KIAA1210: variants seen among roughly 807,000 people sequenced by gnomAD.
KIAA1210 encodes KIAA1210.
In KIAA1210, 48 loss-of-function variants were observed where a neutral mutation model predicts 78.9. The observed-to-expected ratio is 0.61, with a 90% CI of 0.48 to 0.77. KIAA1210 has a LOEUF of 0.77. Ranked by LOEUF, KIAA1210 falls within the 30% of genes least tolerant of loss-of-function variation. The pLI is 0.00. For synonymous variants in KIAA1210, 406 were observed against 404.5 expected, an observed-to-expected ratio of 1.00 and a Z score of -0.04; for missense variants, 1,108 against 1,100.0, an observed-to-expected ratio of 1.01 and a Z score of -0.10.
chrX:119,105,312 C>T (rs1024327607), intron 5 of KIAA1210, among the ~76,000 whole-genome samples, 165 bp from the exon 6 acceptor site: 1 of 111,734 alleles, frequency 8.9e-6, no homozygotes, highest in Non-Finnish European at 1.9e-5. Flanking sequence ...CCTACCTCCC[C>T]GTCTTCATTC....
chrX:119,109,678 A>T (rs1483967536), intron 3 of KIAA1210, among the ~76,000 whole-genome samples: 2 of 111,922 alleles, frequency 1.8e-5, no homozygotes, highest in African/African-American at 6.5e-5. Context: ...GAGTTTTGTT[A>T]TTATTACAGT....
intron 2 of KIAA1210, among the ~76,000 whole-genome samples, chrX:119,146,729 C>G (rs1468447140): frequency 9.0e-6 from 1 of 111,137 alleles, no homozygotes; most frequent in African/African-American, 3.3e-5. Context: ...TCCCTCTGAC[C>G]CCTACACTGG....
intron 1 of KIAA1210, among the ~76,000 whole-genome samples, chrX:119,127,493 GC>G (rs1413025228): frequency 9.0e-6 from 1 of 110,930 alleles, no homozygotes; most frequent in African/African-American, 3.3e-5. Flanking sequence ...TAGCATACTT[GC>G]CTTATTTCCC....
At chrX:119,123,914 T>TTTTTGTTTTG (rs376112294) in intron 1 of KIAA1210, among the ~76,000 whole-genome samples, 1 of 111,640 alleles carries the variant, frequency 9.0e-6, no homozygotes, top group African/African-American at 3.3e-5. Context: ...GGGAGGATGT[T>TTTTTGTTTTG]TTTTGTTTTG....
chrX:119,121,998 G>A (rs1175275670), intron 2 of KIAA1210, among the ~76,000 whole-genome samples: 1 of 108,877 alleles, frequency 9.2e-6, no homozygotes, highest in African/African-American at 3.3e-5. Flanking sequence ...TCCTGACCTC[G>A]TGATCTGCCC....
intron 5 of KIAA1210, among the ~76,000 whole-genome samples, chrX:119,105,767 A>G (rs994930798): frequency 8.9e-6 from 1 of 111,896 alleles, no homozygotes; most frequent in Non-Finnish European, 1.9e-5. Context: ...AAAATTTATC[A>G]TTTGGGCTTT....
intron 8 of KIAA1210, among the ~76,000 whole-genome samples, chrX:119,092,064 A>C (rs924982991): frequency 8.9e-6 from 1 of 111,944 alleles, no homozygotes; most frequent in Non-Finnish European, 1.9e-5. Flanking sequence ...TGTAACCAAA[A>C]ACCACTTGTA....
intron 2 of KIAA1210, among the ~76,000 whole-genome samples, chrX:119,147,320 T>C (rs954097951): frequency 1.8e-5 from 2 of 111,635 alleles, no homozygotes; most frequent in African/African-American, 6.5e-5. Flanking sequence ...TACAAGTCAA[T>C]ATTTGTGGCT....
intron 8 of KIAA1210, among the ~76,000 whole-genome samples, chrX:119,090,263 T>A (rs1927327642): frequency 9.1e-6 from 1 of 109,525 alleles, no homozygotes; most frequent in Non-Finnish European, 1.9e-5. Context: ...TAATTATGGT[T>A]CTATTTTACA....
At chrX:119,112,702 T>C (rs375056163) in intron 3 of KIAA1210, among the ~76,000 whole-genome samples, 42 of 111,658 alleles carry the variant, frequency 3.8e-4, no homozygotes, top group African/African-American at 1.3e-3. Context: ...TGTGGAGAAA[T>C]TGGAACACCC....
upstream of KIAA1210, chrX:119,150,641 T>C: frequency 9.1e-7 from 1 of 1,098,217 alleles, no homozygotes; most frequent in Non-Finnish European, 1.2e-6. Context: ...AGAAGCTGGG[T>C]TGAGGACTCT....
At position 119,080,885 on chromosome X, in the gene KIAA1210, T is replaced by C. The variant is rs1344362784; in HGVS notation, c.*444A>G. On this transcript the variant is annotated 3_prime_UTR_variant, in exon 12 of 12. Coordinates refer to ENST00000691062, the MANE Select transcript of KIAA1210 (RefSeq NM_001394962.1). The stretch of plus-strand genomic sequence containing the variant: ...TTGCTTAATAAATTCTTAGTTTGCT[T>C]AATACTTATTTTGCTTAATACAAGT... The C allele has an allele frequency of 8.8e-6, 1 of 113,270 alleles. No homozygotes were observed. Among genetic ancestry groups the C allele is most frequent in the East Asian group, 2.7e-4 (1 of 3,656 alleles). 9.3% of individuals were successfully genotyped at this position (113,270 alleles called of 1,213,427 possible).
At chrX:119,098,604 CAAAAA>C (rs747325732) in intron 6 of KIAA1210, among the ~76,000 whole-genome samples, 4 of 39,813 alleles carry the variant, frequency 1.0e-4, no homozygotes, top group East Asian at 6.9e-4. Flanking sequence ...GAGACTCCGT[CAAAAA>C]AAAAAAAAAA....
chrX:119,101,255 G>C (rs1927728111), intron 6 of KIAA1210, among the ~76,000 whole-genome samples: 1 of 112,025 alleles, frequency 8.9e-6, no homozygotes, highest in Non-Finnish European at 1.9e-5. Context: ...TTCCCCTTTT[G>C]AGCAGGGATA....
chrX:119,101,624 CA>C (rs1286441999), intron 6 of KIAA1210, among the ~76,000 whole-genome samples: 1 of 111,090 alleles, frequency 9.0e-6, no homozygotes, highest in African/African-American at 3.3e-5. Context: ...CTTCTGTGCC[CA>C]TTCCTGAGAG....
intron 9 of KIAA1210, 142 bp from the exon 10 acceptor site, chrX:119,085,688 C>T (rs762891268): frequency 3.5e-6 from 2 of 565,715 alleles, no homozygotes; most frequent in Non-Finnish European, 5.3e-6. Flanking sequence ...ACAGAGAAGG[C>T]CCCCCTTTTT....
In KIAA1210 at chrX:119,089,695, G is replaced by T. The variant is rs748950900; in HGVS notation, c.1007C>A (p.Thr336Lys). 3 of 1,210,244 alleles carry T rather than the reference G, an allele frequency of 2.5e-6. No homozygotes were observed. In the Admixed American group the frequency reaches 6.5e-5, roughly 26 times the overall value. The change falls in exon 9 of 12, where the codon ACA (threonine) becomes AAA (lysine). Residue 336 changes from threonine to lysine, a missense_variant. Physicochemically the swap from Thr to Lys is moderately conservative, Grantham distance 78 (BLOSUM62 -1). This residue lies in a region of KIAA1210 where 672 missense variants were observed against 607.1 expected (regional missense o/e 1.11). Transcript: ENST00000691062. Reference protein sequence around the residue: ...NNKTEMYDKKTTDQAPNTDAS... With the variant: ...NNKTEMYDKKKTDQAPNTDAS... ...ATCAGTGTTTGGAGCCTGGTCTGTTGTCTTCTTATCATACATCTCAGTTTT... is the reference window on the plus strand; with the variant it reads ...ATCAGTGTTTGGAGCCTGGTCTGTTTTCTTCTTATCATACATCTCAGTTTT...
intron 2 of KIAA1210, among the ~76,000 whole-genome samples, chrX:119,118,954 A>T (rs1928360310): frequency 8.9e-6 from 1 of 112,374 alleles, no homozygotes; most frequent in Admixed American, 9.4e-5. Context: ...AGCAACTAGC[A>T]CAGTGCAAGG....
chrX:119,083,433 C>A (rs747054395), intron 10 of KIAA1210, among the ~76,000 whole-genome samples: 1 of 111,946 alleles, frequency 8.9e-6, no homozygotes, highest in Non-Finnish European at 1.9e-5. Context: ...TGAGAACAAC[C>A]TTTTCCTTAG....
Sources: allele counts gnomAD v4.1 joint callset (sites outside exome capture counted in the v4.1 genomes callset), GRCh38; gene constraint gnomAD v4.1.1; regional missense constraint gnomAD v4.1.1; transcripts MANE v1.5; gene names NCBI Gene and HGNC (gene_info 2026-07-23, HGNC 2026-07-21).